RNF139: variants seen among roughly 807,000 people sequenced by gnomAD.
RNF139 encodes ring finger protein 139, also known as E3 ubiquitin-protein ligase RNF139.
Under a neutral mutation model 49.5 loss-of-function variants are expected in RNF139, and 15 were observed. The ratio of observed to expected loss-of-function variants is 0.30; its 90% confidence interval spans 0.20 to 0.47. The LOEUF (loss-of-function observed/expected upper bound fraction) is 0.47, where lower values mean the gene tolerates loss of function less well. Ranked by LOEUF, RNF139 falls within the 20% of genes least tolerant of loss-of-function variation. The pLI is 1.00. For synonymous variants in RNF139, 325 were observed against 300.9 expected (o/e 1.08, Z -0.83); for missense variants, 619 against 806.3 (o/e 0.77, Z 2.81).
At position 124,488,566 on chromosome 8, in the gene RNF139, A is replaced by G. The variant is rs1316691420; in HGVS notation, c.*922A>G. 2.6e-6 allele frequency: 3 copies of G among 1,171,912 alleles called. No individual in the cohort carries two copies. The highest frequency in any genetic ancestry group is 2.4e-5 in the East Asian group (1 of 42,070). The allele number at this position is 1,171,912 out of a possible 1,614,324, so 72.6% of individuals were successfully genotyped here. A position where few individuals can be genotyped will look rare whatever the true frequency, so the allele number is the denominator to read the frequency against. ...AGTTTTACTATGAAATTTTACATACATGATGGAAAGTGGAAGACATATACC... is the reference window on the plus strand; with the variant it reads ...AGTTTTACTATGAAATTTTACATACGTGATGGAAAGTGGAAGACATATACC... On this transcript the variant is annotated 3_prime_UTR_variant, in exon 2 of 2. Coordinates refer to ENST00000303545, the MANE Select transcript of RNF139 (RefSeq NM_007218.4).
intron 1 of RNF139, among the ~76,000 whole-genome samples, chr8:124,480,276 A>T (rs1019498869): frequency 6.6e-6 from 1 of 151,994 alleles, no homozygotes; most frequent in African/African-American, 2.4e-5. Context: ...AGAAATCCTT[A>T]AAAATATATA....
Position 124,488,489 on chromosome 8 carries a change from T to C in RNF139, c.*845T>C, listed in dbSNP as rs547541307. The C allele has an allele frequency of 4.0e-4, 255 of 632,378 alleles. No homozygotes were observed. The highest frequency in any genetic ancestry group is 6.7e-4 in the Non-Finnish European group (239 of 356,050). 39.2% of individuals were successfully genotyped at this position (632,378 alleles called of 1,614,324 possible). A position where few individuals can be genotyped will look rare whatever the true frequency, so the allele number is the denominator to read the frequency against. On this transcript the variant is annotated 3_prime_UTR_variant, in exon 2 of 2. Coordinates refer to ENST00000303545, the MANE Select transcript of RNF139 (RefSeq NM_007218.4). ...GTGGGGAATGGTGTGTACCGATATA[T>C]AGTATTTCTTTAGACAACTTGCAGA... is the stretch of plus-strand genomic sequence containing the variant.
At position 124,487,750 on chromosome 8, in the gene RNF139, A is replaced by G. The variant is rs1010377201; in HGVS notation, c.*106A>G. 11 of 1,085,620 alleles carry G rather than the reference A, an allele frequency of 1.0e-5. No individual in the cohort carries two copies. The highest frequency in any genetic ancestry group is 1.6e-5 in the South Asian group (1 of 61,524). 67.2% of individuals were successfully genotyped at this position (1,085,620 alleles called of 1,614,324 possible). A position where few individuals can be genotyped will look rare whatever the true frequency, so the allele number is the denominator to read the frequency against. On this transcript the variant is annotated 3_prime_UTR_variant, in exon 2 of 2. Transcript: ENST00000303545. ...GTGTGTAACCAAGCACAAAAACAGT[A>G]TCAATGTTGAATCTGTGAATGGTTT...
rs1294744700 is a variant in RNF139 at position 124,486,084 on chromosome 8, C to G, written c.435C>G (p.Leu145=). 6.2e-7 allele frequency: 1 copy of G among 1,614,190 alleles called. No individual in the cohort carries two copies. The highest frequency in any genetic ancestry group is 1.1e-5 in the South Asian group (1 of 91,074). ...LTFGIGYVTL[L]QIHSIYSQLI... is the part of the protein sequence containing the mutation. ...TTGGAATTGGATACGTTACACTACT[C>G]CAGATTCATTCCATCTATTCACAAT... Residue 145 remains leucine (L), a synonymous_variant, in exon 2 of 2, where the codon CTC becomes CTG. Transcript: ENST00000303545.
At chr8:124,479,412 A>G (rs1308099852) in intron 1 of RNF139, among the ~76,000 whole-genome samples, 2 of 152,236 alleles carry the variant, frequency 1.3e-5, no homozygotes, top group Non-Finnish European at 2.9e-5. Context: ...AGTTCTTGAA[A>G]GAAATGAGAT....
Position 124,486,680 on chromosome 8 carries a change from G to C in RNF139, c.1031G>C (p.Arg344Thr). 6.2e-7 allele frequency: 1 copy of C among 1,614,102 alleles called. No homozygotes were observed. Among genetic ancestry groups the C allele is most frequent in the Non-Finnish European group, 8.5e-7 (1 of 1,180,026 alleles). ...CTTCAGACTGGGTTAAGTGGGCTAA[G>C]ACCAGAAGAGAGACTTATTCGCTTA... ...LALQTGLSGL[R>T]PEERLIRLSR... Residue 344 changes from arginine to threonine, a missense_variant, in exon 2 of 2, where the codon AGA (arginine) becomes ACA (threonine). By Grantham distance (71) the Arg-to-Thr change is moderately conservative. This residue lies in a region of RNF139 where 530 missense variants were observed against 728.9 expected (regional missense o/e 0.73). Transcript: ENST00000303545.
At chr8:124,485,614 G>T (rs1240534142) in intron 1 of RNF139, among the ~76,000 whole-genome samples, 2 of 152,154 alleles carry the variant, frequency 1.3e-5, no homozygotes, top group African/African-American at 2.4e-5. Context: ...AGTAAGGAAT[G>T]AAATTTTAAA....
rs772244205 is a variant in RNF139 at position 124,487,570 on chromosome 8, G to C, written c.1921G>C (p.Val641Leu). ...EDDSTDCDDD[V>L]QRERNGVIQH... ...TGACAGTACAGATTGTGATGATGAT[G>C]TTCAAAGAGAAAGAAATGGAGTGAT... Residue 641 changes from valine (V) to leucine (L), a missense_variant, in exon 2 of 2, where the codon GTT becomes CTT. Around this residue, in one of 2 missense-constraint regions of RNF139, gnomAD observed 530 missense variants for 728.9 expected, o/e 0.73. Transcript: ENST00000303545. 2.5e-5 allele frequency: 40 copies of C among 1,613,976 alleles called. No homozygotes were observed. Among genetic ancestry groups the C allele is most frequent in the Middle Eastern group, 3.3e-4 (2 of 6,084 alleles).
At chr8:124,483,075 A>T (rs1432444602) in intron 1 of RNF139, among the ~76,000 whole-genome samples, 7 of 4,532 alleles carry the variant, frequency 1.5e-3, no homozygotes, top group Non-Finnish European at 2.0e-3. Flanking sequence ...TATATATATT[A>T]TTTAAATATA....
At chr8:124,477,673 T>G (rs890801958) in intron 1 of RNF139, among the ~76,000 whole-genome samples, 10 of 152,208 alleles carry the variant, frequency 6.6e-5, no homozygotes, top group Non-Finnish European at 1.5e-4. Context: ...TAAAATTCTA[T>G]GACAATATAT....
intron 1 of RNF139, among the ~76,000 whole-genome samples, chr8:124,480,742 G>C (rs1250100860): frequency 6.6e-6 from 1 of 152,094 alleles, no homozygotes; most frequent in Non-Finnish European, 1.5e-5. Flanking sequence ...AGGAATCAAA[G>C]TTATAACCCT....
At chr8:124,479,223 T>C (rs1005321711) in intron 1 of RNF139, among the ~76,000 whole-genome samples, 7 of 152,178 alleles carry the variant, frequency 4.6e-5, no homozygotes, top group Middle Eastern at 3.2e-3. Context: ...CCCAAGTAGC[T>C]GGGATGCCTG....
intron 1 of RNF139, among the ~76,000 whole-genome samples, chr8:124,483,018 TATATA>T (rs1816460433): frequency 1.0e-5 from 1 of 99,358 alleles, no homozygotes; most frequent in African/African-American, 4.5e-5. Flanking sequence ...AAAATATATA[TATATA>T]TTTAAATATA....
Position 124,487,727 on chromosome 8 carries a change from G to A in RNF139, c.*83G>A. The A allele has an allele frequency of 7.5e-7, 1 of 1,340,066 alleles. No individual in the cohort carries two copies. The highest frequency in any genetic ancestry group is 1.0e-6 in the Non-Finnish European group (1 of 991,026). 83.0% of individuals were successfully genotyped at this position (1,340,066 alleles called of 1,614,324 possible). A position where few individuals can be genotyped will look rare whatever the true frequency, so the allele number is the denominator to read the frequency against. On this transcript the variant is annotated 3_prime_UTR_variant, in exon 2 of 2. Transcript: ENST00000303545. ...TGGAGTAATATCCTTCACCTTCAGT[G>A]TGTAACCAAGCACAAAAACAGTATC... is the stretch of plus-strand genomic sequence containing the variant.
At position 124,486,154 on chromosome 8, in the gene RNF139, G is replaced by T. The variant is rs1314384061; in HGVS notation, c.505G>T (p.Glu169Ter). The change falls in exon 2 of 2, where the codon GAG becomes TAG. Residue 169 changes from glutamate (E) to a stop codon, truncating the protein, a stop_gained. Transcript: ENST00000303545. LOFTEE classifies it high-confidence loss of function. ...LLVPVIGLIT[E>*]LPLHIRETLL... ...GGTTCCTGTAATAGGCTTAATCACA[G>T]AGCTACCATTACACATCAGAGAGAC... The T allele has an allele frequency of 6.2e-7, 1 of 1,614,084 alleles. No individual in the cohort carries two copies. The highest frequency in any genetic ancestry group is 8.5e-7 in the Non-Finnish European group (1 of 1,179,936).
intron 1 of RNF139, chr8:124,483,474 T>G (rs1170164502): frequency 1.3e-5 from 2 of 152,136 alleles, no homozygotes; most frequent in Non-Finnish European, 2.9e-5. Flanking sequence ...AGGGTCTCAC[T>G]GTCACCCAGG....
chr8:124,482,448 G>T (rs761144980), intron 1 of RNF139, among the ~76,000 whole-genome samples: 1 of 152,040 alleles, frequency 6.6e-6, no homozygotes, highest in Non-Finnish European at 1.5e-5. Flanking sequence ...GCATAAAGTA[G>T]AACTAGAGTT....
In RNF139 at chr8:124,486,514, C is replaced by T; in HGVS notation, c.865C>T (p.Leu289=). 1 of 1,614,188 alleles carries T rather than the reference C, an allele frequency of 6.2e-7. No individual in the cohort carries two copies. The highest frequency in any genetic ancestry group is 8.5e-7 in the Non-Finnish European group (1 of 1,180,022). The change falls in exon 2 of 2, where the codon CTA becomes TTA. Residue 289 remains leucine (L), a synonymous_variant. Coordinates refer to ENST00000303545, the MANE Select transcript of RNF139 (RefSeq NM_007218.4). ...TATAATTAGTGGGTGCGATTCTACACTAACTGTACTGGGCATGAGTGCTGT... is the reference window on the plus strand; with the variant it reads ...TATAATTAGTGGGTGCGATTCTACATTAACTGTACTGGGCATGAGTGCTGT... The part of the protein sequence containing the change: ...NLIISGCDST[L]TVLGMSAVIS...
chr8:124,477,243 C>T (rs949901033), intron 1 of RNF139, among the ~76,000 whole-genome samples: 1 of 152,164 alleles, frequency 6.6e-6, no homozygotes, highest in African/African-American at 2.4e-5. Flanking sequence ...TCATCCGACT[C>T]TTCTTACTGT....
Sources: allele counts gnomAD v4.1 joint callset (sites outside exome capture counted in the v4.1 genomes callset), GRCh38; gene constraint gnomAD v4.1.1; regional missense constraint gnomAD v4.1.1; transcripts MANE v1.5; gene names NCBI Gene and HGNC (gene_info 2026-07-23, HGNC 2026-07-21).